The following PLXNA2 variants were observed in gnomAD, a reference collection of about 807,000 sequenced individuals.
The protein encoded by PLXNA2 is plexin-A2.
A neutral mutation model predicts 193.5 loss-of-function variants in PLXNA2; 91 were observed. That is an observed-to-expected ratio of 0.47 (90% CI 0.40 to 0.56). The LOEUF is 0.56. Ranked by LOEUF, PLXNA2 falls within the 20% of genes least tolerant of loss-of-function variation. PLXNA2 has a pLI of 0.00. For missense variants in PLXNA2, 1,995 were observed against 2,503.2 expected (o/e 0.80, Z 4.33); for synonymous variants, 997 against 1,027.3 (o/e 0.97, Z 0.56).
intron 14 of PLXNA2, among the ~76,000 whole-genome samples, chr1:208,053,136 A>G (rs890286058): frequency 1.5e-4 from 23 of 152,258 alleles, no homozygotes; most frequent in African/African-American, 5.5e-4. Context: ...ATCAGAAAAG[A>G]ATTGCTTCTG....
intron 9 of PLXNA2, among the ~76,000 whole-genome samples, chr1:208,091,599 G>A (rs780874655): frequency 6.6e-6 from 1 of 152,156 alleles, no homozygotes. Flanking sequence ...TAGGCCGGGC[G>A]GAGTGGCTCA....
In PLXNA2 at chr1:208,188,727, G is replaced by GA. The variant is rs1015039850; in HGVS notation, c.1371+21552dup. ...TCTGTCTCAAAAAAAAAAAAAAAAA[G>GA]AAAAAAAATGGAGCTATGAATCCCA... is the stretch of plus-strand genomic sequence containing the variant. On this transcript the variant is annotated intron_variant, in intron 3 of 31. Coordinates refer to ENST00000367033, the MANE Select transcript of PLXNA2 (RefSeq NM_025179.4). Among the ~76,000 whole-genome samples, 12 of 146,202 alleles carry GA rather than the reference G, an allele frequency of 8.2e-5. No individual in the cohort carries two copies. In the East Asian group the frequency reaches 1.8e-3, roughly 22 times the overall value.
At chr1:208,058,757 G>A (rs1158091709) in intron 13 of PLXNA2, among the ~76,000 whole-genome samples, 5 of 152,230 alleles carry the variant, frequency 3.3e-5, no homozygotes, top group African/African-American at 9.6e-5. Context: ...AGCTTCTCTC[G>A]ACACTTTCTT....
At chr1:208,079,131 C>A (rs1004809904) in intron 12 of PLXNA2, 129 bp downstream of exon 12, 4 of 756,218 alleles carry the variant, frequency 5.3e-6, no homozygotes, top group Non-Finnish European at 8.7e-6. Context: ...AGGTTTCCTA[C>A]ACCCCCCCAC....
intron 4 of PLXNA2, among the ~76,000 whole-genome samples, chr1:208,132,125 T>G (rs1454099568): frequency 1.3e-5 from 2 of 152,226 alleles, no homozygotes; most frequent in Admixed American, 6.5e-5. Context: ...TCTGACCACC[T>G]GCAGAGGCAT....
chr1:208,183,607 A>T (rs113546815), intron 3 of PLXNA2, among the ~76,000 whole-genome samples: 1 of 105,206 alleles, frequency 9.5e-6, no homozygotes, highest in Admixed American at 9.4e-5. Context: ...AGAGAGGGAG[A>T]GGGGGGGGTC....
chr1:208,233,475 A>C (rs1000545967), intron 1 of PLXNA2, among the ~76,000 whole-genome samples: 1 of 152,196 alleles, frequency 6.6e-6, no homozygotes, highest in African/African-American at 2.4e-5. Context: ...AGTTGGTGGA[A>C]AATTTGGCCA....
chr1:208,115,831 C>A (rs538842287), intron 4 of PLXNA2, among the ~76,000 whole-genome samples: 14 of 152,266 alleles, frequency 9.2e-5, no homozygotes, highest in African/African-American at 3.1e-4. Context: ...TCAGGGAAGG[C>A]TTTCAAGAGT....
chr1:208,192,748 A>G (rs1670222603), intron 3 of PLXNA2, among the ~76,000 whole-genome samples: 1 of 152,086 alleles, frequency 6.6e-6, no homozygotes, highest in South Asian at 2.1e-4. Context: ...TTAGCCAGGC[A>G]TGGTGATGCA....
In PLXNA2 at chr1:208,142,469, T is replaced by C. The variant is rs1668486126; in HGVS notation, c.1372-6A>G. The C allele has an allele frequency of 2.5e-6, 4 of 1,601,460 alleles. No individual in the cohort carries two copies. The African/African-American group carries it at 4.0e-5, about 16-fold the overall frequency. ...GGGGGACCGTCGGCCCGAATCTGTA[T>C]GAGAAACAAGGGTGTCCTCAGCATC... is the stretch of plus-strand genomic sequence containing the variant. On this transcript the variant is annotated splice_region_variant and splice_polypyrimidine_tract_variant and intron_variant, in intron 3 of 31. Transcript: ENST00000367033.
intron 1 of PLXNA2, among the ~76,000 whole-genome samples, chr1:208,234,256 G>A (rs1013920865): frequency 3.9e-5 from 6 of 152,124 alleles, no homozygotes; most frequent in Admixed American, 2.6e-4. Context: ...CACTGTGTGG[G>A]CCCGGGTAAA....
At chr1:208,036,376 G>C (rs1327927227) in intron 26 of PLXNA2, among the ~76,000 whole-genome samples, 1 of 152,138 alleles carries the variant, frequency 6.6e-6, no homozygotes, top group African/African-American at 2.4e-5. Flanking sequence ...TCCTGTCCTT[G>C]GTTTTTCTCT....
At position 208,104,339 on chromosome 1, in the gene PLXNA2, C is replaced by T. The variant is rs111405736; in HGVS notation, c.1507-1092G>A. 2.9e-3 allele frequency among the ~76,000 whole-genome samples: 447 copies of T among 152,312 alleles called. 3 individuals carry two copies. The highest frequency in any genetic ancestry group is 0.01 in the African/African-American group (416 of 41,564). ...TCAGCAAATGTTTATCAGATGTCAA[C>T]GCTGTGGAGCTCTGGTGCTATGCAA... On this transcript the variant is annotated intron_variant, in intron 4 of 31. Transcript: ENST00000367033.
At chr1:208,043,950 G>A (rs1664965506) in intron 20 of PLXNA2, among the ~76,000 whole-genome samples, 1 of 152,254 alleles carries the variant, frequency 6.6e-6, no homozygotes, top group African/African-American at 2.4e-5. Context: ...TCGAGGCTGT[G>A]GTTGCGTGGG....
chr1:208,117,402 A>C (rs1344988339), intron 4 of PLXNA2, among the ~76,000 whole-genome samples: 1 of 152,154 alleles, frequency 6.6e-6, no homozygotes, highest in Admixed American at 6.5e-5. Flanking sequence ...GCAGGCTAAA[A>C]AGATGGGCAA....
At chr1:208,203,532 C>G (rs994297721) in intron 3 of PLXNA2, among the ~76,000 whole-genome samples, 4 of 152,180 alleles carry the variant, frequency 2.6e-5, no homozygotes, top group African/African-American at 4.8e-5. Flanking sequence ...GAATGAGTGG[C>G]TATTGTTTGG....
chr1:208,237,002 TTTATAGGATTAGAGACA>T (rs1406418139), intron 1 of PLXNA2, among the ~76,000 whole-genome samples: 2 of 152,226 alleles, frequency 1.3e-5, no homozygotes, highest in African/African-American at 4.8e-5. Context: ...ATGACCTTCC[TTTATAGGATTAGAGACA>T]GCCTTTGAGT....
At chr1:208,218,167 A>G in intron 1 of PLXNA2, 165 bp from the exon 2 acceptor site, 1 of 618,874 alleles carries the variant, frequency 1.6e-6, no homozygotes, top group Non-Finnish European at 2.8e-6. Context: ...AGGAATGTTC[A>G]GGGAATCCTG....
At chr1:208,127,820 G>C (rs7528183) in intron 4 of PLXNA2, among the ~76,000 whole-genome samples, 80,877 of 151,774 alleles carry the variant, frequency 0.53, 21,835 homozygotes, top group Non-Finnish European at 0.55. Context: ...GGGGTGAGAA[G>C]AAGAGGCCTG....
Sources: gnomAD v4.1 joint callset for allele counts (sites outside exome capture counted in the v4.1 genomes callset) on GRCh38, gnomAD v4.1.1 for gene constraint, MANE v1.5 for transcripts, NCBI Gene and HGNC (gene_info 2026-07-23, HGNC 2026-07-21) for gene names.